The following IFT74 variants were observed in gnomAD, a reference collection of about 807,000 sequenced individuals.
IFT74 encodes the protein intraflagellar transport 74, also known as intraflagellar transport protein 74 homolog.
IFT74 carries 92 observed loss-of-function variants against 96.7 expected under a neutral mutation model. That is an observed-to-expected ratio of 0.95 (90% CI 0.80 to 1.13). IFT74 has a LOEUF of 1.13. Ranked by LOEUF, IFT74 falls within the 50% of genes most tolerant of loss-of-function variation. IFT74 has a pLI of 0.00. For missense variants in IFT74, 811 were observed against 698.2 expected (o/e 1.16, Z -1.82); for synonymous variants, 223 against 213.2 (o/e 1.05, Z -0.40).
rs554720054 is a variant in IFT74, at chr9:26,988,581, T to A, written c.466-88T>A. 23 of 1,208,446 alleles carry A rather than the reference T, an allele frequency of 1.9e-5. No homozygotes were observed. The East Asian group carries it at 5.5e-4, about 29-fold the overall frequency. The allele number at this position is 1,208,446 out of a possible 1,614,324, so 74.9% of individuals were successfully genotyped here. ...TACTTAAGTTACTACTCATTATTTG[T>A]AAGACTGAATACCTATATTATTAAT... On this transcript the variant is annotated intron_variant, in intron 6 of 19. Coordinates refer to ENST00000380062, the MANE Select transcript of IFT74 (RefSeq NM_025103.4).
At chr9:27,047,198 T>A (rs1467588854) in intron 14 of IFT74, 76 bp from the exon 15 acceptor site, 3 of 871,596 alleles carry the variant, frequency 3.4e-6, no homozygotes, top group Non-Finnish European at 5.4e-6. Flanking sequence ...AAAAGCACTC[T>A]TAAGAACTGC....
intron 16 of IFT74, among the ~76,000 whole-genome samples, chr9:27,055,219 G>A (rs568184670): frequency 1.2e-3 from 182 of 151,918 alleles, no homozygotes; most frequent in Non-Finnish European, 1.2e-3. Flanking sequence ...TTATAAAATT[G>A]TGCTCAAATA....
intron 8 of IFT74, among the ~76,000 whole-genome samples, chr9:26,991,815 G>A (rs1323374837): frequency 6.6e-6 from 1 of 152,060 alleles, no homozygotes; most frequent in African/African-American, 2.4e-5. Context: ...TGGATCATGA[G>A]GTCAGGAGAT....
chr9:27,062,574 A>T, intron 19 of IFT74, 44 bp from the exon 20 acceptor site: 1 of 1,068,806 alleles, frequency 9.4e-7, no homozygotes, highest in Non-Finnish European at 1.4e-6. Flanking sequence ...AGGCACAATT[A>T]GATTTTTATT....
intron 12 of IFT74, chr9:27,028,805 A>G (rs1010871338): frequency 6.5e-6 from 2 of 309,518 alleles, no homozygotes; most frequent in African/African-American, 2.2e-5. Flanking sequence ...CTAAATTTAT[A>G]GTATTGTCCT....
At chr9:27,052,958 G>A (rs1819998127) in intron 16 of IFT74, among the ~76,000 whole-genome samples, 1 of 151,978 alleles carries the variant, frequency 6.6e-6, no homozygotes, top group Non-Finnish European at 1.5e-5. Flanking sequence ...CGCCCCCAGG[G>A]GTTCACGCCA....
chr9:27,022,291 G>A (rs1248580290), intron 12 of IFT74, among the ~76,000 whole-genome samples: 1 of 151,990 alleles, frequency 6.6e-6, no homozygotes, highest in Non-Finnish European at 1.5e-5. Context: ...TGTTCTTTTT[G>A]CTTAGTCTTG....
chr9:26,951,486 T>C (rs560290575), upstream of IFT74, among the ~76,000 whole-genome samples: 13 of 152,162 alleles, frequency 8.5e-5, no homozygotes, highest in East Asian at 2.5e-3. Flanking sequence ...TAAAATGCAT[T>C]GGAAAATGAT....
chr9:27,012,709 T>G (rs991734233), intron 10 of IFT74, among the ~76,000 whole-genome samples: 7 of 34,482 alleles, frequency 2.0e-4, no homozygotes, highest in South Asian at 9.2e-4. Flanking sequence ...AAAATGTCTG[T>G]TTTTTTTTTT....
At chr9:26,999,213 AAACTAAGAATAAATAG>A (rs1448716788) in intron 8 of IFT74, among the ~76,000 whole-genome samples, 3 of 152,248 alleles carry the variant, frequency 2.0e-5, no homozygotes, top group Admixed American at 2.0e-4. Context: ...ACTGAACAGT[AAACTAAGAATAAATAG>A]AACTAAGAAT....
intron 9 of IFT74, among the ~76,000 whole-genome samples, chr9:27,010,672 T>C (rs1454546872): frequency 6.6e-6 from 1 of 151,208 alleles, no homozygotes; most frequent in Non-Finnish European, 1.5e-5. Context: ...TATGTGTTTT[T>C]AGTAGAGACA....
chr9:27,057,725 G>A (rs546677369), intron 18 of IFT74, among the ~76,000 whole-genome samples: 17 of 152,174 alleles, frequency 1.1e-4, no homozygotes, highest in African/African-American at 3.9e-4. Context: ...AGGAGTGGTG[G>A]CGGGTGCCTG....
chr9:27,039,817 T>C (rs1004072059), intron 13 of IFT74, among the ~76,000 whole-genome samples: 1 of 152,064 alleles, frequency 6.6e-6, no homozygotes, highest in African/African-American at 2.4e-5. Flanking sequence ...TACAGAGGGG[T>C]GGGGGTACTG....
chr9:27,039,838 C>T (rs1819385094), intron 13 of IFT74, among the ~76,000 whole-genome samples: 1 of 152,036 alleles, frequency 6.6e-6, no homozygotes, highest in African/African-American at 2.4e-5. Flanking sequence ...AAACCAGTCC[C>T]CATCAGATAC....
chr9:26,968,802 C>CT (rs147935423), intron 2 of IFT74, among the ~76,000 whole-genome samples: 31,328 of 151,696 alleles, frequency 0.21, 4,004 homozygotes, highest in Non-Finnish European at 0.27. Context: ...AGTCTTCCCT[C>CT]TTTTTTTCAT....
chr9:27,006,831 GTTTTTTTTTTTTT>G (rs35534656), intron 8 of IFT74, among the ~76,000 whole-genome samples: 3 of 64,344 alleles, frequency 4.7e-5, no homozygotes, highest in Non-Finnish European at 8.6e-5. Context: ...ATTATTGTGT[GTTTTTTTTTTTTT>G]TTTTTTTTTT....
rs377639405 is a variant in IFT74 at position 27,029,074 on chromosome 9, C to T, written c.1024C>T (p.Gln342Ter). Residue 342 changes from glutamine to a stop codon, truncating the protein, a stop_gained, in exon 13 of 20, where the codon CAA (glutamine) becomes TAA (stop). Coordinates refer to ENST00000380062, the MANE Select transcript of IFT74 (RefSeq NM_025103.4). LOFTEE classifies it high-confidence loss of function. ...KINQFIEEIR[Q>*]LDMDLEEHQG... Reference sequence around the variant, plus strand: ...AAATCAGTTTATTGAAGAAATTAGACAACTTGACATGGATTTAGAGGAACA... The same window carrying T: ...AAATCAGTTTATTGAAGAAATTAGATAACTTGACATGGATTTAGAGGAACA... The T allele has an allele frequency of 1.8e-4, 282 of 1,601,854 alleles. No individual in the cohort carries two copies. The highest frequency in any genetic ancestry group is 2.3e-4 in the Non-Finnish European group (272 of 1,173,916).
At chr9:27,041,988 G>A (rs145663104) in intron 13 of IFT74, among the ~76,000 whole-genome samples, 2 of 152,278 alleles carry the variant, frequency 1.3e-5, no homozygotes, top group African/African-American at 4.8e-5. Flanking sequence ...AGCTCAATCT[G>A]TTGGCAACTA....
chr9:26,980,322 C>G (rs1245610775), intron 3 of IFT74, among the ~76,000 whole-genome samples: 1 of 152,200 alleles, frequency 6.6e-6, no homozygotes, highest in Non-Finnish European at 1.5e-5. Context: ...TCGTCCTGTT[C>G]TGTAGAGTCT....
Sources: allele counts gnomAD v4.1 joint callset (sites outside exome capture counted in the v4.1 genomes callset), GRCh38; gene constraint gnomAD v4.1.1; transcripts MANE v1.5; gene names NCBI Gene and HGNC (gene_info 2026-07-23, HGNC 2026-07-21).